BTD: variants seen among roughly 807,000 people sequenced by gnomAD.
BTD encodes biocytinase.
A neutral mutation model predicts 17.7 loss-of-function variants in BTD; 13 were observed. That is an observed-to-expected ratio of 0.74 (90% confidence interval 0.48 to 1.17). BTD has a LOEUF of 1.17. Ranked by LOEUF, BTD falls within the 50% of genes most tolerant of loss-of-function variation. The pLI, the probability that BTD is intolerant of heterozygous loss-of-function variation, is 0.00. For synonymous variants in BTD, 240 were observed against 245.2 expected (o/e 0.98, Z 0.20); for missense variants, 674 against 650.4 (o/e 1.04, Z -0.39).
At chr3:15,604,047 T>A (rs6800368) in intron 1 of BTD, among the ~76,000 whole-genome samples, 491 of 152,332 alleles carry the variant, frequency 3.2e-3, no homozygotes, top group Non-Finnish European at 5.2e-3. Flanking sequence ...GATCTACCAT[T>A]CTGGGGTCTG....
intron 3 of BTD, among the ~76,000 whole-genome samples, chr3:15,709,496 T>C (rs1178039725): frequency 6.6e-6 from 1 of 152,028 alleles, no homozygotes; most frequent in Non-Finnish European, 1.5e-5. Context: ...AGAAGAAAAC[T>C]GTGGGTGAGA....
At chr3:15,642,925 G>A (rs1214245189) in intron 3 of BTD, among the ~76,000 whole-genome samples, 1 of 151,704 alleles carries the variant, frequency 6.6e-6, no homozygotes, top group Non-Finnish European at 1.5e-5. Flanking sequence ...CTACTTGGGA[G>A]GCTGAGGCAG....
chr3:15,679,691 C>T (rs557264742), intron 3 of BTD: 3 of 714,642 alleles, frequency 4.2e-6, no homozygotes, highest in East Asian at 5.4e-5. Flanking sequence ...GATCCCCTCT[C>T]TGGAATATAA....
exon 4 of BTD, among the ~76,000 whole-genome samples, chr3:15,711,793 T>A (rs2072320969): frequency 6.6e-6 from 1 of 151,920 alleles, no homozygotes; most frequent in African/African-American, 2.4e-5. Context: ...TTCAAGCGAT[T>A]CTCCTGCCTC....
intron 3 of BTD, among the ~76,000 whole-genome samples, chr3:15,706,406 A>G (rs1188153207): frequency 2.5e-5 from 3 of 120,158 alleles, no homozygotes; most frequent in African/African-American, 7.9e-5. Flanking sequence ...ATGTTCCTAC[A>G]AAGGACATAA....
intron 3 of BTD, chr3:15,677,351 C>G: frequency 1.5e-6 from 1 of 680,676 alleles, no homozygotes; most frequent in East Asian, 2.8e-5. Context: ...CAATTTTGTT[C>G]AAGAAATCTA....
exon 4 of BTD, chr3:15,712,007 C>T (rs988207207): frequency 4.3e-6 from 3 of 705,270 alleles, no homozygotes; most frequent in African/African-American, 1.8e-5. Context: ...GAACCCAACA[C>T]GTTCTAAAAG....
At chr3:15,685,311 A>T in intron 3 of BTD, 2 of 1,614,032 alleles carry the variant, frequency 1.2e-6, no homozygotes, top group Non-Finnish European at 1.7e-6. Context: ...CTGACTGCAA[A>T]AGGGCTCCAA....
intron 3 of BTD, chr3:15,670,210 T>C: frequency 6.5e-7 from 1 of 1,548,248 alleles, no homozygotes; most frequent in Non-Finnish European, 8.8e-7. Context: ...TCAAAGTGCC[T>C]TTTTCCTGAA....
chr3:15,630,823 G>A (rs1366208830), intron 1 of BTD, among the ~76,000 whole-genome samples: 2 of 152,050 alleles, frequency 1.3e-5, no homozygotes, highest in Non-Finnish European at 2.9e-5. Context: ...TGAACTTTCC[G>A]AATGAGACAT....
At chr3:15,637,782 A>C (rs1473530607) in intron 2 of BTD, among the ~76,000 whole-genome samples, 1 of 152,174 alleles carries the variant, frequency 6.6e-6, no homozygotes, top group African/African-American at 2.4e-5. Flanking sequence ...GACCATTCTG[A>C]GACATTTGGC....
intron 1 of BTD, 32 bp downstream of exon 1, chr3:15,601,926 G>T (rs746875706): frequency 4.3e-6 from 7 of 1,612,388 alleles, no homozygotes; most frequent in Non-Finnish European, 5.1e-6. Flanking sequence ...GCGCGGAGGG[G>T]GTGTGGTAAG....
rs750109648 is a variant in BTD at position 15,645,020 on chromosome 3, G to A, written c.1104G>A (p.Val368=). The change falls in exon 4 of 4, where the codon GTG becomes GTA. Residue 368 remains valine, a synonymous_variant. Transcript: ENST00000643237. ...GTGATGAGGCCACCAAGTGGAACGT[G>A]AATGCTCCTCCCACATTTCACTCTG... ...VHCDEATKWN[V]NAPPTFHSEM... The A allele has an allele frequency of 6.2e-7, 1 of 1,614,196 alleles. No individual in the cohort carries two copies. The highest frequency in any genetic ancestry group is 8.5e-7 in the Non-Finnish European group (1 of 1,180,040).
intron 3 of BTD, among the ~76,000 whole-genome samples, chr3:15,706,537 T>C (rs537224429): frequency 0.011 from 1,643 of 152,230 alleles, 13 homozygotes; most frequent in Non-Finnish European, 0.015. Flanking sequence ...GTGAATAGTG[T>C]CACAATAAAC....
downstream of BTD, among the ~76,000 whole-genome samples, chr3:15,715,589 G>A (rs2072910042): frequency 6.6e-6 from 1 of 152,182 alleles, no homozygotes; most frequent in South Asian, 2.1e-4. Context: ...AAGGGGAGGA[G>A]GAGAGAGGAT....
At chr3:15,671,206 C>G (rs555865347) in intron 3 of BTD, among the ~76,000 whole-genome samples, 26 of 152,178 alleles carry the variant, frequency 1.7e-4, no homozygotes, top group African/African-American at 6.3e-4. Context: ...TAAATATTCC[C>G]TTTTTTTAAG....
Position 15,675,098 on chromosome 3 carries a change from C to T in BTD, c.399+33041C>T, listed in dbSNP as rs554614378. ...CAGCCTGGCCAATATGGTGAAACTC[C>T]GTCTCTACTAAAAATACAAAATTTA... is the stretch of plus-strand genomic sequence containing the variant. On this transcript the variant is annotated intron_variant, in intron 3 of 3. Coordinates refer to the BTD transcript ENST00000672141. Among the ~76,000 whole-genome samples, 38 of 152,210 alleles carry T rather than the reference C, an allele frequency of 2.5e-4. No homozygotes were observed. The South Asian group carries it at 2.9e-3, about 12-fold the overall frequency.
Position 15,642,007 on chromosome 3 carries a change from G to A in BTD, c.349G>A (p.Val117Met), listed in dbSNP as rs1381932879. Reference sequence around the variant, plus strand: ...TTTGGACTTCATGCCGTCTCCCCAGGTGGTCAGGTGGAACCCATGCCTGGA... The same window carrying A: ...TTTGGACTTCATGCCGTCTCCCCAGATGGTCAGGTGGAACCCATGCCTGGA... ...PFLDFMPSPQ[V>M]VRWNPCLEPH... The change falls in exon 3 of 4, where the codon GTG becomes ATG. Residue 117 changes from valine to methionine, a missense_variant. Physicochemically the swap from Val to Met is conservative, Grantham distance 21 (BLOSUM62 1). Transcript: ENST00000643237. The A allele has an allele frequency of 6.2e-7, 1 of 1,614,050 alleles. No individual in the cohort carries two copies. Among genetic ancestry groups the A allele is most frequent in the African/African-American group, 1.3e-5 (1 of 74,926 alleles).
rs1389576737 is a variant in BTD, at chr3:15,690,713, C to T, written c.400-19347C>T. On this transcript the variant is annotated intron_variant, in intron 3 of 3. Transcript: ENST00000672141. ...CTGAGTAGCAGGGACCAGAGGTACA[C>T]GTCACCATGCCCAGCTAATTTTTCT... Among the ~76,000 whole-genome samples, 18 of 152,276 alleles carry T rather than the reference C, an allele frequency of 1.2e-4. 1 individual carries two copies. The South Asian group carries it at 1.7e-3, about 14-fold the overall frequency.
Sources: allele counts gnomAD v4.1 joint callset (sites outside exome capture counted in the v4.1 genomes callset), GRCh38; gene constraint gnomAD v4.1.1; transcripts MANE v1.5; gene names NCBI Gene and HGNC (gene_info 2026-07-23, HGNC 2026-07-21).